Variants in KIAA0753 observed in about 807,000 individuals in gnomAD.
KIAA0753 encodes the protein protein moonraker.
In KIAA0753, 114 loss-of-function variants were observed where a neutral mutation model predicts 116.9. The observed-to-expected ratio is 0.98, with a 90% CI of 0.84 to 1.14. KIAA0753 has a LOEUF of 1.14. Among genes scored for constraint, KIAA0753 ranks in the 50% most tolerant of loss-of-function variants. KIAA0753 has a pLI of 0.00. For missense variants in KIAA0753, 1,156 were observed against 1,172.4 expected (o/e 0.99, Z 0.20); for synonymous variants, 405 against 413.1 (o/e 0.98, Z 0.24).
intron 18 of KIAA0753, 95 bp downstream of exon 18, chr17:6,589,684 G>T: frequency 2.3e-6 from 2 of 867,196 alleles, no homozygotes; most frequent in Non-Finnish European, 3.5e-6. Flanking sequence ...AAAAGCATAT[G>T]GGATAAGACC....
Position 6,608,359 on chromosome 17 carries a change from A to G in KIAA0753, c.1818T>C (p.His606=). The G allele has an allele frequency of 6.8e-7, 1 of 1,474,780 alleles. No homozygotes were observed. The highest frequency in any genetic ancestry group is 9.1e-7 in the Non-Finnish European group (1 of 1,100,070). 91.4% of individuals were successfully genotyped at this position (1,474,780 alleles called of 1,614,324 possible). A position where few individuals can be genotyped will look rare whatever the true frequency, so the allele number is the denominator to read the frequency against. Residue 606 remains histidine (H), a synonymous_variant, in exon 10 of 19, where the codon CAT becomes CAC. Transcript: ENST00000361413. ...ATACCAGCACAAACCTGGCTGCTTC[A>G]TGCTCAACAGCACCTGTCAGGTGAC... The part of the protein sequence containing the change: ...EESHLTGAVE[H]EAARLAWLDA...
chr17:6,579,911 G>A (rs371165420), intron 18 of KIAA0753, 47 bp from the exon 19 acceptor site: 58 of 1,416,560 alleles, frequency 4.1e-5, no homozygotes, highest in African/African-American at 1.7e-4. Flanking sequence ...GGCCAGGCGC[G>A]GTGGCTCACA....
rs79163662 is a variant in KIAA0753, at chr17:6,596,325, C to T, written c.2191G>A (p.Glu731Lys). The change falls in exon 15 of 19, where the codon GAA (glutamate) becomes AAA (lysine). Residue 731 changes from glutamate to lysine, a missense_variant. By Grantham distance (56) the Glu-to-Lys change is moderately conservative. Transcript: ENST00000361413. ...PAQEVAAVDF[E>K]SNNIRQLDDF... Reference sequence around the variant, plus strand: ...TCAAGCTGACGAATGTTGTTGGATTCAAAATCAACAGCTGCAACCTACAAG... The same window carrying T: ...TCAAGCTGACGAATGTTGTTGGATTTAAAATCAACAGCTGCAACCTACAAG... 7.5e-7 allele frequency: 1 copy of T among 1,331,326 alleles called. No individual in the cohort carries two copies. Among genetic ancestry groups the T allele is most frequent in the Non-Finnish European group, 9.9e-7 (1 of 1,011,476 alleles). The allele number at this position is 1,331,326 out of a possible 1,614,324, so 82.5% of individuals were successfully genotyped here. A position where few individuals can be genotyped will look rare whatever the true frequency, so the allele number is the denominator to read the frequency against.
intron 6 of KIAA0753, among the ~76,000 whole-genome samples, chr17:6,621,354 T>C (rs1971312206): frequency 6.6e-6 from 1 of 152,212 alleles, no homozygotes; most frequent in African/African-American, 2.4e-5. Flanking sequence ...AAAAATCTCA[T>C]AAACTCAGTC....
chr17:6,616,211 G>A (rs796349535), intron 7 of KIAA0753, among the ~76,000 whole-genome samples: 1 of 152,146 alleles, frequency 6.6e-6, no homozygotes, highest in Non-Finnish European at 1.5e-5. Flanking sequence ...TCTGGCTTTC[G>A]GTCCCAGGCG....
chr17:6,600,301 C>T, intron 13 of KIAA0753, 79 bp downstream of exon 13: 1 of 1,082,860 alleles, frequency 9.2e-7, no homozygotes, highest in East Asian at 2.4e-5. Flanking sequence ...TATAAAGGAT[C>T]AATGAGACCT....
intron 18 of KIAA0753, among the ~76,000 whole-genome samples, chr17:6,583,787 G>T (rs1225592952): frequency 2.0e-5 from 3 of 152,108 alleles, no homozygotes; most frequent in Non-Finnish European, 2.9e-5. Context: ...TTTAATGTCT[G>T]TGTCTGATAG....
chr17:6,579,884 A>C lies in KIAA0753; in HGVS notation c.2787-20T>G. ...GAAAAGCTGGAAGACAAACAACACA[A>C]CTAAAGGTATGTACAAGGCCAGGCG... On this transcript the variant is annotated intron_variant, in intron 18 of 18. Coordinates refer to ENST00000361413, the MANE Select transcript of KIAA0753 (RefSeq NM_014804.3). The C allele has an allele frequency of 3.2e-6, 5 of 1,586,214 alleles. No individual in the cohort carries two copies. Among genetic ancestry groups the C allele is most frequent in the Non-Finnish European group, 4.3e-6 (5 of 1,155,854 alleles).
chr17:6,630,671 C>A (rs1971970007), intron 2 of KIAA0753, among the ~76,000 whole-genome samples: 3 of 152,122 alleles, frequency 2.0e-5, no homozygotes, highest in African/African-American at 7.2e-5. Flanking sequence ...TAGAATCAAT[C>A]TGAGTCCCCA....
intron 14 of KIAA0753, 72 bp downstream of exon 14, chr17:6,599,165 A>T: frequency 9.4e-7 from 1 of 1,059,986 alleles, no homozygotes; most frequent in Non-Finnish European, 1.5e-6. Context: ...AGTAATCTGT[A>T]TTTCATTTTC....
At chr17:6,611,461 T>C (rs1334853516) in intron 8 of KIAA0753, among the ~76,000 whole-genome samples, 1 of 152,024 alleles carries the variant, frequency 6.6e-6, no homozygotes, top group Non-Finnish European at 1.5e-5. Context: ...TTACCACATC[T>C]GGCTAATTTT....
chr17:6,612,975 A>G (rs1970654886), intron 7 of KIAA0753, among the ~76,000 whole-genome samples: 1 of 152,216 alleles, frequency 6.6e-6, no homozygotes, highest in Non-Finnish European at 1.5e-5. Context: ...TCTGAACTCC[A>G]TATAAGACAT....
rs892161739 is a variant in KIAA0753, at chr17:6,615,748, G to C, written c.1316-3600C>G. Among the ~76,000 whole-genome samples, 8 of 151,006 alleles carry C rather than the reference G, an allele frequency of 5.3e-5. No homozygotes were observed. The South Asian group carries it at 6.3e-4, about 12-fold the overall frequency. On this transcript the variant is annotated intron_variant, in intron 7 of 18. Coordinates refer to ENST00000361413, the MANE Select transcript of KIAA0753 (RefSeq NM_014804.3). ...TTCTAGTAATGATTTGCATAAAACA[G>C]CATGTTTCAGGAGTGAGTTTGAGGA...
chr17:6,614,002 A>G (rs1455343871), intron 7 of KIAA0753, among the ~76,000 whole-genome samples: 2 of 152,242 alleles, frequency 1.3e-5, no homozygotes, highest in Non-Finnish European at 1.5e-5. Flanking sequence ...CTACAAAACT[A>G]TAAGACAAAT....
In KIAA0753 at chr17:6,599,335, A is replaced by C. The variant is rs752331859; in HGVS notation, c.2089-15T>G. Reference sequence around the variant, plus strand: ...GAATTGACTCTCTATTAAAACAGACAAATACATTCATGGAGTATAAAGACT... The same window carrying C: ...GAATTGACTCTCTATTAAAACAGACCAATACATTCATGGAGTATAAAGACT... On this transcript the variant is annotated splice_polypyrimidine_tract_variant and intron_variant, in intron 13 of 18. Coordinates refer to ENST00000361413, the MANE Select transcript of KIAA0753 (RefSeq NM_014804.3). 6.5e-6 allele frequency: 10 copies of C among 1,527,092 alleles called. No individual in the cohort carries two copies. The South Asian group carries it at 1.0e-4, about 15-fold the overall frequency. The allele number at this position is 1,527,092 out of a possible 1,614,324, so 94.6% of individuals were successfully genotyped here.
At chr17:6,635,931 C>A (rs927614558) in intron 1 of KIAA0753, 1 of 152,260 alleles carries the variant, frequency 6.6e-6, no homozygotes, top group African/African-American at 2.4e-5. Flanking sequence ...TCTTCCCAGC[C>A]AGACAAGGCG....
At chr17:6,594,081 A>C (rs912035955) in intron 16 of KIAA0753, among the ~76,000 whole-genome samples, 2 of 152,234 alleles carry the variant, frequency 1.3e-5, no homozygotes, top group African/African-American at 4.8e-5. Context: ...CAAGTTTGCT[A>C]TTAGGTATTT....
intron 7 of KIAA0753, among the ~76,000 whole-genome samples, chr17:6,619,287 G>A (rs934397071): frequency 3.9e-5 from 6 of 151,956 alleles, no homozygotes; most frequent in Non-Finnish European, 8.8e-5. Flanking sequence ...CATTGGAAGG[G>A]GTAACTCAAG....
In KIAA0753 at chr17:6,630,756, G is replaced by A. The variant is rs532991269; in HGVS notation, c.94-2015C>T. ...AATGAAGATATAAAACAAAAATGAG[G>A]AAGATCTCTGTGACACTTCTATGAA... is the stretch of plus-strand genomic sequence containing the variant. On this transcript the variant is annotated intron_variant, in intron 2 of 18. Transcript: ENST00000361413. Among the ~76,000 whole-genome samples the A allele has an allele frequency of 3.9e-4, 59 of 152,284 alleles. 1 individual carries two copies. The highest frequency in any genetic ancestry group is 1.3e-3 in the African/African-American group (55 of 41,546).
Sources: gnomAD v4.1 joint callset for allele counts (sites outside exome capture counted in the v4.1 genomes callset) on GRCh38, gnomAD v4.1.1 for gene constraint, MANE v1.5 for transcripts, NCBI Gene and HGNC (gene_info 2026-07-23, HGNC 2026-07-21) for gene names.